BCR: variants seen among roughly 807,000 people sequenced by gnomAD.
BCR encodes breakpoint cluster region protein.
BCR carries 58 observed loss-of-function variants against 138.6 expected under a neutral mutation model. The ratio of observed to expected loss-of-function variants is 0.42; its 90% CI spans 0.34 to 0.52. BCR has a LOEUF of 0.52. Among genes scored for constraint, BCR ranks in the 20% least tolerant of loss-of-function variants. The pLI is 0.06. For missense variants in BCR, 1,599 were observed against 1,727.2 expected, an observed-to-expected ratio of 0.93 and a Z score of 1.32; for synonymous variants, 786 against 730.1, an observed-to-expected ratio of 1.08 and a Z score of -1.23.
Position 23,285,211 on chromosome 22 carries a change from A to G in BCR, c.2406+10A>G, listed in dbSNP as rs754327482. The G allele has an allele frequency of 1.9e-6, 3 of 1,606,590 alleles. No homozygotes were observed. Among genetic ancestry groups the G allele is most frequent in the African/African-American group, 1.3e-5 (1 of 74,778 alleles). ...CATCCAGAGAGAGAAGGTGCACACC[A>G]GGGGAGCAAGGGCCGGGTTTGGTGT... On this transcript the variant is annotated intron_variant, in intron 10 of 22. Coordinates refer to ENST00000305877, the MANE Select transcript of BCR (RefSeq NM_004327.4).
intron 1 of BCR, among the ~76,000 whole-genome samples, chr22:23,225,250 C>G (rs1989054824): frequency 6.6e-6 from 1 of 151,936 alleles, no homozygotes; most frequent in Admixed American, 6.6e-5. Context: ...GACACCTGAC[C>G]CTAAGGCGCA....
At chr22:23,263,776 C>T in intron 4 of BCR, 14 of 1,418,986 alleles carry the variant, frequency 9.9e-6, no homozygotes, top group Non-Finnish European at 1.4e-5. Context: ...GTGAGTGGCT[C>T]CAGGGACAGG....
chr22:23,201,828 G>C (rs943412243), intron 1 of BCR, among the ~76,000 whole-genome samples: 2 of 152,140 alleles, frequency 1.3e-5, no homozygotes, highest in Non-Finnish European at 2.9e-5. Context: ...TCGGTTTCTG[G>C]GAGTCCGTGG....
intron 1 of BCR, among the ~76,000 whole-genome samples, chr22:23,185,464 G>C (rs1034732699): frequency 2.6e-5 from 4 of 152,092 alleles, no homozygotes; most frequent in African/African-American, 7.2e-5. Flanking sequence ...AGGAGATGGA[G>C]ACCATCCTGG....
intron 1 of BCR, among the ~76,000 whole-genome samples, chr22:23,199,912 G>C (rs73152631): frequency 6.6e-6 from 1 of 151,692 alleles, no homozygotes; most frequent in Non-Finnish European, 1.5e-5. Flanking sequence ...GTGAAACCCC[G>C]TCTCTACTAA....
intron 2 of BCR, among the ~76,000 whole-genome samples, chr22:23,259,800 C>T (rs1019978085): frequency 3.9e-5 from 6 of 152,090 alleles, no homozygotes; most frequent in African/African-American, 7.2e-5. Context: ...GGATTACAGG[C>T]GTGAGACATT....
At chr22:23,199,179 G>T in intron 1 of BCR, 1 of 440,372 alleles carries the variant, frequency 2.3e-6, no homozygotes, top group South Asian at 1.6e-5. Context: ...ATTAACATAA[G>T]TCTGGTTTCC....
chr22:23,259,769 C>T (rs895538283), intron 2 of BCR, among the ~76,000 whole-genome samples: 2 of 152,140 alleles, frequency 1.3e-5, no homozygotes, highest in African/African-American at 4.8e-5. Context: ...GATCTGCCCG[C>T]CTCGGCCTCC....
intron 8 of BCR, among the ~76,000 whole-genome samples, chr22:23,281,938 G>A (rs1228773545): frequency 3.3e-5 from 5 of 152,232 alleles, no homozygotes; most frequent in South Asian, 2.1e-4. Flanking sequence ...AGGGAGCTGC[G>A]TTTCTTGACC....
At chr22:23,309,537 G>T (rs2073986047) in intron 17 of BCR, 54 bp downstream of exon 17, 1 of 1,516,024 alleles carries the variant, frequency 6.6e-7, no homozygotes, top group Admixed American at 1.9e-5. Context: ...GGATAGGGTG[G>T]CCTCTGTTCA....
chr22:23,268,085 G>A (rs1242565928), intron 4 of BCR, among the ~76,000 whole-genome samples: 1 of 152,230 alleles, frequency 6.6e-6, no homozygotes, highest in African/African-American at 2.4e-5. Context: ...CAGATTCACT[G>A]ACAACCTCAA....
chr22:23,245,049 A>T (rs2073140832), intron 1 of BCR, among the ~76,000 whole-genome samples: 2 of 152,236 alleles, frequency 1.3e-5, no homozygotes, highest in East Asian at 3.9e-4. Context: ...TGTGGAGGAA[A>T]ACGGCTGACT....
Position 23,182,070 on chromosome 22 carries a change from C to T in BCR, c.1110C>T (p.Pro370=), listed in dbSNP as rs762318426. The T allele has an allele frequency of 6.2e-7, 1 of 1,613,444 alleles. No homozygotes were observed. The highest frequency in any genetic ancestry group is 1.1e-5 in the South Asian group (1 of 91,080). The change falls in exon 1 of 23, where the codon CCC becomes CCT. Residue 370 remains proline, a synonymous_variant. Transcript: ENST00000305877. ...TGTTCCGGGACAAAAGCCGCTCTCC[C>T]TCGCAGAACTCGCAACAGTCCTTCG... ...YRMFRDKSRS[P]SQNSQQSFDS...
intron 16 of BCR, among the ~76,000 whole-genome samples, chr22:23,304,883 G>A (rs2073940701): frequency 6.6e-6 from 1 of 152,240 alleles, no homozygotes; most frequent in Admixed American, 6.5e-5. Flanking sequence ...AGGAGGCCAA[G>A]TTGGGTGGAT....
At chr22:23,249,474 C>T (rs1180798192) in intron 1 of BCR, among the ~76,000 whole-genome samples, 1 of 151,810 alleles carries the variant, frequency 6.6e-6, no homozygotes, top group Non-Finnish European at 1.5e-5. Flanking sequence ...GTGGCATGCA[C>T]CTGTAGTCCC....
At chr22:23,290,176 CATG>C in intron 13 of BCR, 160 bp from the exon 14 acceptor site, 1 of 715,082 alleles carries the variant, frequency 1.4e-6, no homozygotes, top group South Asian at 1.6e-5. Flanking sequence ...AGACAGAAAT[CATG>C]ATGAGTATGT....
At chr22:23,229,459 C>G (rs369086766) in intron 1 of BCR, among the ~76,000 whole-genome samples, 1 of 151,932 alleles carries the variant, frequency 6.6e-6, no homozygotes, top group Admixed American at 6.6e-5. Flanking sequence ...GACTCCGGAC[C>G]CTGTTTAAAT....
At chr22:23,293,836 A>G (rs1335798559) in intron 15 of BCR, among the ~76,000 whole-genome samples, 1 of 151,924 alleles carries the variant, frequency 6.6e-6, no homozygotes, top group Non-Finnish European at 1.5e-5. Flanking sequence ...AGGTTCAGAA[A>G]TTCCTGCTGC....
chr22:23,247,551 C>G (rs756999986), intron 1 of BCR, among the ~76,000 whole-genome samples: 1 of 152,164 alleles, frequency 6.6e-6, no homozygotes, highest in African/African-American at 2.4e-5. Context: ...CCATCTCACC[C>G]TGGGGCACAT....
Sources: gnomAD v4.1 joint callset for allele counts (sites outside exome capture counted in the v4.1 genomes callset) on GRCh38, gnomAD v4.1.1 for gene constraint, MANE v1.5 for transcripts, NCBI Gene and HGNC (gene_info 2026-07-23, HGNC 2026-07-21) for gene names.